Variants in LHFPL6 observed in about 807,000 individuals in gnomAD.
LHFPL6 encodes LHFPL tetraspan subfamily member 6 protein.
Under a neutral mutation model 20.6 loss-of-function variants are expected in LHFPL6, and 9 were observed. The ratio of observed to expected loss-of-function variants is 0.44; its 90% CI spans 0.26 to 0.76. The LOEUF (loss-of-function observed/expected upper bound fraction) is 0.76, where lower values mean the gene tolerates loss of function less well. LHFPL6 is among the 30% of genes least tolerant of loss of function. LHFPL6 has a pLI of 0.20. For missense variants in LHFPL6, 218 were observed against 253.5 expected (o/e 0.86, Z 0.95); for synonymous variants, 105 against 98.7 (o/e 1.06, Z -0.38).
At chr13:39,519,603 A>AT (rs571356068) in intron 2 of LHFPL6, among the ~76,000 whole-genome samples, 175 of 152,246 alleles carry the variant, frequency 1.1e-3, no homozygotes, top group African/African-American at 3.5e-3. Flanking sequence ...ACACTAATAG[A>AT]TTTTTTTCTT....
At chr13:39,590,021 C>T (rs1279760907) in intron 2 of LHFPL6, among the ~76,000 whole-genome samples, 1 of 152,072 alleles carries the variant, frequency 6.6e-6, no homozygotes, top group African/African-American at 2.4e-5. Context: ...TCATGGTGAA[C>T]AAAAATTCTG....
chr13:39,487,091 C>T (rs962464411), intron 2 of LHFPL6, among the ~76,000 whole-genome samples: 1 of 152,130 alleles, frequency 6.6e-6, no homozygotes, highest in African/African-American at 2.4e-5. Flanking sequence ...CTGTTTCTCA[C>T]AAACTACACA....
At chr13:39,566,360 A>G (rs1022486613) in intron 2 of LHFPL6, among the ~76,000 whole-genome samples, 1 of 152,200 alleles carries the variant, frequency 6.6e-6, no homozygotes, top group African/African-American at 2.4e-5. Flanking sequence ...AAATCCTTAG[A>G]AAGCAGAAAC....
At chr13:39,353,460 C>T (rs1044794575) in intron 3 of LHFPL6, among the ~76,000 whole-genome samples, 7 of 151,952 alleles carry the variant, frequency 4.6e-5, no homozygotes, top group African/African-American at 1.7e-4. Context: ...GGCGCGGTGG[C>T]TCATGCCTGT....
At chr13:39,522,150 C>A (rs1870128024) in intron 2 of LHFPL6, among the ~76,000 whole-genome samples, 1 of 152,222 alleles carries the variant, frequency 6.6e-6, no homozygotes, top group Non-Finnish European at 1.5e-5. Flanking sequence ...TTCTCCTTAA[C>A]AAGCACTTAG....
At chr13:39,600,051 T>C (rs1872885737) in intron 2 of LHFPL6, among the ~76,000 whole-genome samples, 1 of 152,126 alleles carries the variant, frequency 6.6e-6, no homozygotes, top group South Asian at 2.1e-4. Context: ...CAGTGGAAAA[T>C]ACATAAAGTA....
intron 2 of LHFPL6, among the ~76,000 whole-genome samples, chr13:39,426,579 T>C (rs1871644296): frequency 1.3e-5 from 2 of 152,236 alleles, no homozygotes; most frequent in Admixed American, 1.3e-4. Context: ...TGTGAAATTA[T>C]ACAGTATTTA....
rs146217417 is a variant in LHFPL6 at position 39,516,426 on chromosome 13, C to T, written c.385+84406G>A. 3.6e-3 allele frequency among the ~76,000 whole-genome samples: 547 copies of T among 152,344 alleles called. 3 individuals carry two copies. Among genetic ancestry groups the T allele is most frequent in the African/African-American group, 0.013 (524 of 41,572 alleles). ...TGCTGTCATGGGGTAACAAATCCCT[C>T]GAGAGCTGCATCTGCCATGCAGGAG... On this transcript the variant is annotated intron_variant, in intron 2 of 3. Transcript: ENST00000379589.
At chr13:39,426,740 G>C (rs1212110624) in intron 2 of LHFPL6, among the ~76,000 whole-genome samples, 1 of 152,054 alleles carries the variant, frequency 6.6e-6, no homozygotes, top group African/African-American at 2.4e-5. Flanking sequence ...AAATATTTTA[G>C]TGAAGATAAT....
intron 2 of LHFPL6, among the ~76,000 whole-genome samples, chr13:39,539,926 T>A (rs1310797625): frequency 6.6e-6 from 1 of 152,236 alleles, no homozygotes; most frequent in East Asian, 1.9e-4. Flanking sequence ...TGTAATACAC[T>A]TTTATAGAAT....
Position 39,355,786 on chromosome 13 carries a change from A to G in LHFPL6, c.485-11732T>C, listed in dbSNP as rs1869709835. 2.6e-5 allele frequency among the ~76,000 whole-genome samples: 4 copies of G among 152,216 alleles called. No individual in the cohort carries two copies. The South Asian group carries it at 8.3e-4, about 31-fold the overall frequency. On this transcript the variant is annotated intron_variant, in intron 3 of 3. Coordinates refer to ENST00000379589, the MANE Select transcript of LHFPL6 (RefSeq NM_005780.3). Reference sequence around the variant, plus strand: ...AAACCAACCACAGTGAACAAGGACAAAGAAGGGCATTACATAACGATAAAG... The same window carrying G: ...AAACCAACCACAGTGAACAAGGACAGAGAAGGGCATTACATAACGATAAAG...
At chr13:39,505,673 C>T (rs1036996750) in intron 2 of LHFPL6, among the ~76,000 whole-genome samples, 2 of 152,154 alleles carry the variant, frequency 1.3e-5, no homozygotes, top group African/African-American at 4.8e-5. Flanking sequence ...CAAGTTCCTT[C>T]TCACCGAATG....
At chr13:39,511,557 G>A (rs908032880) in intron 2 of LHFPL6, among the ~76,000 whole-genome samples, 1 of 151,842 alleles carries the variant, frequency 6.6e-6, no homozygotes, top group Non-Finnish European at 1.5e-5. Context: ...CTAAAGTCAG[G>A]GGTAAAAATT....
chr13:39,500,750 A>G (rs1869266868), intron 2 of LHFPL6, among the ~76,000 whole-genome samples: 1 of 152,248 alleles, frequency 6.6e-6, no homozygotes, highest in South Asian at 2.1e-4. Flanking sequence ...GATAAGTATA[A>G]AAATTTGACA....
chr13:39,574,974 G>A (rs543789771), intron 2 of LHFPL6, among the ~76,000 whole-genome samples: 2 of 152,268 alleles, frequency 1.3e-5, no homozygotes, highest in South Asian at 4.1e-4. Flanking sequence ...AGGTGGCTGA[G>A]GCATGAGAAT....
chr13:39,387,962 G>A lies in LHFPL6; in HGVS notation c.386-9436C>T, dbSNP rs562755980. Among the ~76,000 whole-genome samples, 12 of 152,200 alleles carry A rather than the reference G, an allele frequency of 7.9e-5. No homozygotes were observed. The South Asian group carries it at 2.3e-3, about 29-fold the overall frequency. The stretch of plus-strand genomic sequence containing the variant: ...CCTGCAAATCCCTTTCCTGGGGGCC[G>A]GTGAGTGAGAACCCCAGTTGTGAGC... On this transcript the variant is annotated intron_variant, in intron 2 of 3. Transcript: ENST00000379589.
At chr13:39,385,538 G>A (rs1870542581) in intron 2 of LHFPL6, among the ~76,000 whole-genome samples, 1 of 152,228 alleles carries the variant, frequency 6.6e-6, no homozygotes, top group Non-Finnish European at 1.5e-5. Context: ...CCACCTACAG[G>A]AGCGTTCCTA....
chr13:39,516,259 G>C (rs1030563192), intron 2 of LHFPL6, among the ~76,000 whole-genome samples: 8 of 152,170 alleles, frequency 5.3e-5, no homozygotes, highest in African/African-American at 1.9e-4. Context: ...CCTGGCAAAG[G>C]CTTCATGCCC....
At chr13:39,376,607 CT>C (rs1453733962) in intron 3 of LHFPL6, among the ~76,000 whole-genome samples, 12 of 152,078 alleles carry the variant, frequency 7.9e-5, no homozygotes, top group Middle Eastern at 3.2e-3. Context: ...ACCTTTAATA[CT>C]TTTTTTCTGT....
Sources: gnomAD v4.1 joint callset for allele counts (sites outside exome capture counted in the v4.1 genomes callset) on GRCh38, gnomAD v4.1.1 for gene constraint, MANE v1.5 for transcripts, NCBI Gene and HGNC (gene_info 2026-07-23, HGNC 2026-07-21) for gene names.